IQCH: variants seen among roughly 807,000 people sequenced by gnomAD.
The protein encoded by IQCH is IQ domain-containing protein H.
IQCH carries 98 observed loss-of-function variants against 117.0 expected under a neutral mutation model. The observed-to-expected ratio is 0.84, with a 90% CI of 0.71 to 0.99. The LOEUF (loss-of-function observed/expected upper bound fraction) is 0.99, where lower values mean the gene tolerates loss of function less well. Ranked by LOEUF, IQCH falls within the 50% of genes least tolerant of loss-of-function variation. The pLI, the probability that IQCH is intolerant of heterozygous loss-of-function variation, is 0.00. For synonymous variants in IQCH, 412 were observed against 448.2 expected (o/e 0.92, Z 1.02); for missense variants, 1,102 against 1,243.8 (o/e 0.89, Z 1.72).
In IQCH at chr15:67,401,786, T is replaced by C. The variant is rs1971669080; in HGVS notation, c.2097+1481T>C. Among the ~76,000 whole-genome samples the C allele has an allele frequency of 6.6e-6, 1 of 152,164 alleles. No individual in the cohort carries two copies. The highest frequency in any genetic ancestry group is 2.1e-4 in the South Asian group (1 of 4,826). On this transcript the variant is annotated intron_variant, in intron 14 of 20. Coordinates refer to ENST00000335894, the MANE Select transcript of IQCH (RefSeq NM_001031715.3). The surrounding 1 kb of genome is among the most constrained non-coding windows in gnomAD (Gnocchi z 4.7). ...CACCAAAATGAATTACTCTTCTAGA[T>C]AAAGATAAAAACAAAGAAAATGTAT...
At position 67,474,715 on chromosome 15, in the gene IQCH, G is replaced by T. The variant is rs1004988470; in HGVS notation, c.2677-981G>T. ...GGAGGTGGTCCATGCCCAGTGACTTGCTGCCAAAGGTTAAAGTATGGGAAG... is the reference window on the plus strand; with the variant it reads ...GGAGGTGGTCCATGCCCAGTGACTTTCTGCCAAAGGTTAAAGTATGGGAAG... On this transcript the variant is annotated intron_variant, in intron 17 of 20. Coordinates refer to ENST00000335894, the MANE Select transcript of IQCH (RefSeq NM_001031715.3). The surrounding 1 kb of genome is among the most constrained non-coding windows in gnomAD (Gnocchi z 4.1). 1.3e-5 allele frequency among the ~76,000 whole-genome samples: 2 copies of T among 152,132 alleles called. No individual in the cohort carries two copies. The highest frequency in any genetic ancestry group is 4.8e-5 in the African/African-American group (2 of 41,428).
Position 67,312,379 on chromosome 15 carries a change from A to G in IQCH, c.388-24596A>G, listed in dbSNP as rs193258576. Among the ~76,000 whole-genome samples the G allele has an allele frequency of 6.6e-5, 10 of 152,228 alleles. 1 individual carries two copies. In the East Asian group the frequency reaches 1.2e-3, roughly 18 times the overall value. On this transcript the variant is annotated intron_variant, in intron 4 of 20. Coordinates refer to ENST00000335894, the MANE Select transcript of IQCH (RefSeq NM_001031715.3). Reference sequence around the variant, plus strand: ...GTCTGTAGGCTTCACCAGATTGCCAAAGGGGTTCACGACGTCCCAAAAGTT... The same window carrying G: ...GTCTGTAGGCTTCACCAGATTGCCAGAGGGGTTCACGACGTCCCAAAAGTT...
chr15:67,289,653 C>T (rs1966685527), intron 4 of IQCH, among the ~76,000 whole-genome samples: 1 of 152,072 alleles, frequency 6.6e-6, no homozygotes, highest in Non-Finnish European at 1.5e-5. Flanking sequence ...GAGGAAATGC[C>T]TAACAGGCAG....
At position 67,404,266 on chromosome 15, in the gene IQCH, T is replaced by A. The variant is rs1400886871; in HGVS notation, c.2097+3961T>A. 1.3e-5 allele frequency: 2 copies of A among 152,158 alleles called. No individual in the cohort carries two copies. Among genetic ancestry groups the A allele is most frequent in the Non-Finnish European group, 2.9e-5 (2 of 68,016 alleles). The allele number at this position is 152,158 out of a possible 1,614,324, so 9.4% of individuals were successfully genotyped here. On this transcript the variant is annotated intron_variant, in intron 14 of 20. Coordinates refer to ENST00000335894, the MANE Select transcript of IQCH (RefSeq NM_001031715.3). This position sits in a 1 kb window ranked among gnomAD's most constrained non-coding sequence, Gnocchi z 4.6. ...CAGTTGTTTTGCCTCCTTTTAGAAC[T>A]AAGGCAGCAAACAGAAAACACAATT...
In IQCH at chr15:67,421,514, T is replaced by C. The variant is rs1333168058; in HGVS notation, c.2442T>C (p.Asp814=). 1.2e-6 allele frequency: 2 copies of C among 1,614,016 alleles called. No homozygotes were observed. The highest frequency in any genetic ancestry group is 1.3e-5 in the African/African-American group (1 of 74,902). Residue 814 remains aspartate (D), a synonymous_variant, in exon 16 of 21, where the codon GAT becomes GAC. Coordinates refer to ENST00000335894, the MANE Select transcript of IQCH (RefSeq NM_001031715.3). ...TTGGAAAAGCCTGCAGAATGAGAGATGTGGTTGGTTACTTTTCGATAGATC... is the reference window on the plus strand; with the variant it reads ...TTGGAAAAGCCTGCAGAATGAGAGACGTGGTTGGTTACTTTTCGATAGATC... The part of the protein sequence containing the change: ...LQIGKACRMR[D]VVGYFSIDLV...
At chr15:67,312,500 A>G (rs1474913769) in intron 4 of IQCH, among the ~76,000 whole-genome samples, 2 of 152,112 alleles carry the variant, frequency 1.3e-5, no homozygotes, top group Admixed American at 6.6e-5. Context: ...TGTATTCTTT[A>G]TGGGTGAAAT....
At chr15:67,412,550 C>G (rs1725265003) in intron 14 of IQCH, among the ~76,000 whole-genome samples, 1 of 152,134 alleles carries the variant, frequency 6.6e-6, no homozygotes, top group African/African-American at 2.4e-5. Context: ...AGGTGCCCAC[C>G]ACCACGCCCG....
chr15:67,359,971 T>G lies in IQCH; in HGVS notation c.753+86T>G. 9.9e-7 allele frequency: 1 copy of G among 1,007,024 alleles called. No individual in the cohort carries two copies. Among genetic ancestry groups the G allele is most frequent in the Non-Finnish European group, 1.5e-6 (1 of 650,602 alleles). The allele number at this position is 1,007,024 out of a possible 1,614,324, so 62.4% of individuals were successfully genotyped here. On this transcript the variant is annotated intron_variant, in intron 8 of 20. Transcript: ENST00000335894. The surrounding 1 kb of genome is among the most constrained non-coding windows in gnomAD (Gnocchi z 4.5). ...GCTGCAGGGCAAGAGTATGGGTGAC[T>G]GCTTGACAGCTGGAGATGGCAACAA...
Position 67,500,723 on chromosome 15 carries a change from A to C in IQCH, c.3061A>C (p.Asn1021His). 6.3e-7 allele frequency: 1 copy of C among 1,582,712 alleles called. No homozygotes were observed. ...EEEQQSKDDK[N>H]LSKPKK ...GGAGCAACAGTCCAAAGATGATAAAAACCTCTCTAAACCCAAGAAATGATC... is the reference window on the plus strand; with the variant it reads ...GGAGCAACAGTCCAAAGATGATAAACACCTCTCTAAACCCAAGAAATGATC... Residue 1021 changes from asparagine to histidine, a missense_variant, in exon 21 of 21, where the codon AAC becomes CAC. Transcript: ENST00000335894. This position sits in a 1 kb window ranked among gnomAD's most constrained non-coding sequence, Gnocchi z 4.4.
intron 16 of IQCH, among the ~76,000 whole-genome samples, chr15:67,450,645 T>C (rs1024564205): frequency 1.3e-5 from 2 of 152,220 alleles, no homozygotes; most frequent in Non-Finnish European, 2.9e-5. Context: ...TTGAGGATTT[T>C]TGCATCAATG....
chr15:67,370,185 A>T lies in IQCH; in HGVS notation c.754-1926A>T, dbSNP rs572518904. Reference sequence around the variant, plus strand: ...TTCTCTCCTTTCTCAACTTCTGCCAAGGTTGTCCCATTTTCATAGATGGTC... The same window carrying T: ...TTCTCTCCTTTCTCAACTTCTGCCATGGTTGTCCCATTTTCATAGATGGTC... On this transcript the variant is annotated intron_variant, in intron 8 of 20. Transcript: ENST00000335894. This position sits in a 1 kb window ranked among gnomAD's most constrained non-coding sequence, Gnocchi z 5.6. Among the ~76,000 whole-genome samples, 10 of 152,276 alleles carry T rather than the reference A, an allele frequency of 6.6e-5. No homozygotes were observed. The South Asian group carries it at 1.0e-3, about 16-fold the overall frequency.
chr15:67,268,049 A>T (rs2140446507), intron 3 of IQCH, among the ~76,000 whole-genome samples: 1 of 152,298 alleles, frequency 6.6e-6, no homozygotes, highest in South Asian at 2.1e-4. Flanking sequence ...CCAGTCCTAG[A>T]TCACATGCAT....
Position 67,337,028 on chromosome 15 carries a change from G to A in IQCH, c.441G>A (p.Leu147=). 1 of 1,613,674 alleles carries A rather than the reference G, an allele frequency of 6.2e-7. No individual in the cohort carries two copies. Reference sequence around the variant, plus strand: ...CTAACATATCCAGCCTCACGGTTCTGCCATCTTCTCATTGCACAGATCCCT... The same window carrying A: ...CTAACATATCCAGCCTCACGGTTCTACCATCTTCTCATTGCACAGATCCCT... ...KGSNISSLTV[L]PSSHCTDPYF... Residue 147 remains leucine, a synonymous_variant, in exon 5 of 21, where the codon CTG becomes CTA. Coordinates refer to ENST00000335894, the MANE Select transcript of IQCH (RefSeq NM_001031715.3).
intron 6 of IQCH, among the ~76,000 whole-genome samples, chr15:67,344,468 G>GA (rs766885771): frequency 6.0e-5 from 9 of 150,556 alleles, no homozygotes; most frequent in East Asian, 1.9e-4. Flanking sequence ...CATTTTTTGT[G>GA]AAAAAAAGAT....
At chr15:67,358,207 C>CTTT (rs71142373) in intron 7 of IQCH, among the ~76,000 whole-genome samples, 2 of 10,454 alleles carry the variant, frequency 1.9e-4, no homozygotes, top group Non-Finnish European at 3.4e-4. Context: ...ACTTTCTTTT[C>CTTT]TTTTTTTTTT....
At chr15:67,286,582 T>TTTTATTTA (rs56267333) in intron 4 of IQCH, among the ~76,000 whole-genome samples, 1,405 of 139,122 alleles carry the variant, frequency 0.01, 15 homozygotes, top group East Asian at 0.024. Flanking sequence ...CATATATGGC[T>TTTTATTTA]TTTATTTATT....
Position 67,339,977 on chromosome 15 carries a change from A to AGAAG in IQCH, c.508+2883_508+2886dup, listed in dbSNP as rs1157004637. 2.7e-3 allele frequency among the ~76,000 whole-genome samples: 404 copies of AGAAG among 152,298 alleles called. 3 individuals are homozygous for AGAAG. Among genetic ancestry groups the AGAAG allele is most frequent in the African/African-American group, 9.2e-3 (383 of 41,556 alleles). ...AAATTTGGGTAAATTTCTCTCTTCT[A>AGAAG]GAAGTCCTCCAAATATCCTAAAGTT... On this transcript the variant is annotated intron_variant, in intron 5 of 20. Transcript: ENST00000335894.
intron 4 of IQCH, among the ~76,000 whole-genome samples, chr15:67,307,812 A>G (rs888903645): frequency 1.6e-4 from 25 of 152,290 alleles, no homozygotes; most frequent in African/African-American, 5.5e-4. Flanking sequence ...CAGGCTAGAT[A>G]TGGGAAAGTG....
rs767765302 is a variant in IQCH, at chr15:67,261,303, A to G, written c.83A>G (p.Lys28Arg). Reference protein sequence around the residue: ...IHEDLYQLKEKLTKFSPEEKG... With the variant: ...IHEDLYQLKERLTKFSPEEKG... The stretch of plus-strand genomic sequence containing the variant: ...GAAGACCTTTATCAGTTAAAGGAGA[A>G]ATTAACAAAATTCTCACCTGAGGAA... Residue 28 changes from lysine (K) to arginine (R), a missense_variant, in exon 2 of 21, where the codon AAA becomes AGA. Lys to Arg is a conservative substitution (Grantham distance 26). Coordinates refer to ENST00000335894, the MANE Select transcript of IQCH (RefSeq NM_001031715.3). The G allele has an allele frequency of 3.8e-6, 6 of 1,569,958 alleles. No homozygotes were observed. In the African/African-American group the frequency reaches 8.3e-5, roughly 22 times the overall value.
Sources: allele counts gnomAD v4.1 joint callset (sites outside exome capture counted in the v4.1 genomes callset), GRCh38; gene constraint gnomAD v4.1.1; non-coding constraint Gnocchi (gnomAD v3.1); transcripts MANE v1.5; gene names NCBI Gene and HGNC (gene_info 2026-07-23, HGNC 2026-07-21).